The following ULK2 variants were observed in gnomAD, a reference collection of about 807,000 sequenced individuals.
ULK2 encodes serine/threonine-protein kinase ULK2.
A neutral mutation model predicts 127.5 loss-of-function variants in ULK2; 76 were observed. The ratio of observed to expected loss-of-function variants is 0.60; its 90% CI spans 0.50 to 0.72. The LOEUF (loss-of-function observed/expected upper bound fraction) is 0.72, where lower values mean the gene tolerates loss of function less well. ULK2 is among the 30% of genes least tolerant of loss of function. The pLI is 0.00. For synonymous variants in ULK2, 452 were observed against 461.9 expected, an observed-to-expected ratio of 0.98 and a Z score of 0.28; for missense variants, 1,144 against 1,295.9, an observed-to-expected ratio of 0.88 and a Z score of 1.80.
intron 20 of ULK2, among the ~76,000 whole-genome samples, chr17:19,788,940 G>T (rs1368745757): frequency 6.6e-6 from 1 of 152,220 alleles, no homozygotes; most frequent in African/African-American, 2.4e-5. Context: ...ATACCAGGTA[G>T]ATTTCTAAGG....
intron 7 of ULK2, among the ~76,000 whole-genome samples, chr17:19,844,049 T>C (rs1053412201): frequency 6.6e-6 from 1 of 152,190 alleles, no homozygotes; most frequent in Admixed American, 6.5e-5. Context: ...GTGTTTGCTA[T>C]ATTATTCCCT....
In ULK2 at chr17:19,776,163, A is replaced by G. The variant is rs1408080629; in HGVS notation, c.*186T>C. 3 of 532,162 alleles carry G rather than the reference A, an allele frequency of 5.6e-6. No homozygotes were observed. In the South Asian group the frequency reaches 1.0e-4, roughly 18 times the overall value. 33.0% of individuals were successfully genotyped at this position (532,162 alleles called of 1,614,324 possible). A position where few individuals can be genotyped will look rare whatever the true frequency, so the allele number is the denominator to read the frequency against. On this transcript the variant is annotated 3_prime_UTR_variant, in exon 27 of 27. Coordinates refer to ENST00000395544, the MANE Select transcript of ULK2 (RefSeq NM_014683.4). ...AAGGGAAAGGGTGATTTTCTCCAAT[A>G]AGGCAGATTTCCTACAAATATGTAG...
intron 7 of ULK2, 82 bp from the exon 8 acceptor site, chr17:19,843,304 A>C (rs2041807785): frequency 1.7e-5 from 15 of 860,908 alleles, no homozygotes; most frequent in Non-Finnish European, 1.1e-5. Context: ...GGTAAAGGTG[A>C]CACTTCTAAC....
intron 10 of ULK2, among the ~76,000 whole-genome samples, chr17:19,827,956 T>C (rs2041338052): frequency 6.7e-6 from 1 of 148,926 alleles, no homozygotes; most frequent in Non-Finnish European, 1.5e-5. Context: ...GATAAACTGA[T>C]GAGACCCACA....
chr17:19,810,389 C>A lies in ULK2; in HGVS notation c.1146G>T (p.Leu382Phe). Reference protein sequence around the residue: ...TAGRRASNEFLVCGGQCQPTV... With the variant: ...TAGRRASNEFFVCGGQCQPTV... ...GTAAATATACATACCCTCCACACAC[C>A]AAGAATTCATTTGAAGCACGTCTGC... Residue 382 changes from leucine to phenylalanine, a missense_variant, in exon 14 of 27, where the codon TTG (leucine) becomes TTT (phenylalanine). Leu to Phe is a conservative substitution (Grantham distance 22). Transcript: ENST00000395544. 1 of 1,605,820 alleles carries A rather than the reference C, an allele frequency of 6.2e-7. No individual in the cohort carries two copies. The highest frequency in any genetic ancestry group is 2.2e-5 in the East Asian group (1 of 44,670).
At chr17:19,799,606 AAGGAAG>A in intron 16 of ULK2, 31 bp from the exon 17 acceptor site, 1 of 1,485,902 alleles carries the variant, frequency 6.7e-7, no homozygotes, top group Non-Finnish European at 9.0e-7. Flanking sequence ...AAGATGGGGA[AAGGAAG>A]AAAAATGATC....
intron 16 of ULK2, among the ~76,000 whole-genome samples, chr17:19,799,999 G>A (rs2087362987): frequency 6.6e-6 from 1 of 152,182 alleles, no homozygotes; most frequent in African/African-American, 2.4e-5. Context: ...ACTGCATATG[G>A]TGGGACACTA....
chr17:19,796,368 G>A (rs918420539), intron 18 of ULK2, 86 bp from the exon 19 acceptor site: 1 of 1,234,504 alleles, frequency 8.1e-7, no homozygotes, highest in African/African-American at 1.5e-5. Context: ...GTGTGACCCA[G>A]TAGTCAGGAG....
intron 12 of ULK2, among the ~76,000 whole-genome samples, chr17:19,821,064 T>TG (rs2152391576): frequency 6.6e-6 from 1 of 152,280 alleles, no homozygotes; most frequent in Non-Finnish European, 1.5e-5. Context: ...CCTAGCACTT[T>TG]GGGAGGCTAA....
intron 21 of ULK2, among the ~76,000 whole-genome samples, chr17:19,784,513 CTTTTTTTT>C (rs563736244): frequency 2.4e-4 from 11 of 45,098 alleles, no homozygotes; most frequent in Non-Finnish European, 3.0e-4. Context: ...GGACATGATA[CTTTTTTTT>C]TTTTTTTTTT....
At chr17:19,843,349 T>A in intron 7 of ULK2, 127 bp from the exon 8 acceptor site, 1 of 543,486 alleles carries the variant, frequency 1.8e-6, no homozygotes, top group Non-Finnish European at 3.2e-6. Context: ...CTGTGATAGT[T>A]CTCTAATCAA....
At chr17:19,789,836 T>C (rs993133370) in intron 20 of ULK2, among the ~76,000 whole-genome samples, 1 of 145,456 alleles carries the variant, frequency 6.9e-6, no homozygotes, top group Non-Finnish European at 1.5e-5. Flanking sequence ...AAATAGGCTA[T>C]CTGAAAATAC....
At chr17:19,831,992 C>A (rs2041462830) in intron 10 of ULK2, among the ~76,000 whole-genome samples, 1 of 151,922 alleles carries the variant, frequency 6.6e-6, no homozygotes, top group African/African-American at 2.4e-5. Flanking sequence ...GGTGTGGTGA[C>A]TTGAGCCTGT....
rs2086794014 is a variant in ULK2, at chr17:19,775,256, A to G, written c.*1093T>C. 6.6e-6 allele frequency: 1 copy of G among 152,652 alleles called. No individual in the cohort carries two copies. Among genetic ancestry groups the G allele is most frequent in the Non-Finnish European group, 1.5e-5 (1 of 68,038 alleles). 9.5% of individuals were successfully genotyped at this position (152,652 alleles called of 1,614,324 possible). On this transcript the variant is annotated 3_prime_UTR_variant, in exon 27 of 27. Coordinates refer to ENST00000395544, the MANE Select transcript of ULK2 (RefSeq NM_014683.4). ...TATTTGGTGAACTGTCAGAATTAAC[A>G]TGAAAAATACACATTAGGCAGAAGA...
intron 10 of ULK2, among the ~76,000 whole-genome samples, chr17:19,835,507 G>A (rs1386145637): frequency 6.7e-6 from 1 of 148,292 alleles, no homozygotes; most frequent in Non-Finnish European, 1.5e-5. Context: ...ACGAGGTCAG[G>A]AGATCGAAAC....
chr17:19,782,104 T>C, intron 22 of ULK2, 37 bp from the exon 23 acceptor site: 1 of 1,600,042 alleles, frequency 6.2e-7, no homozygotes, highest in Non-Finnish European at 8.5e-7. Context: ...AAATTTCAGA[T>C]TAAAAATACG....
intron 20 of ULK2, among the ~76,000 whole-genome samples, chr17:19,789,120 G>A (rs569284331): frequency 6.6e-6 from 1 of 152,276 alleles, no homozygotes; most frequent in East Asian, 1.9e-4. Flanking sequence ...TGATTAAAGA[G>A]GGCCTTGGGC....
chr17:19,797,503 G>T lies in ULK2; in HGVS notation c.1702C>A (p.Pro568Thr), dbSNP rs754368706. 6 of 1,613,950 alleles carry T rather than the reference G, an allele frequency of 3.7e-6. No homozygotes were observed. The highest frequency in any genetic ancestry group is 5.1e-6 in the Non-Finnish European group (6 of 1,180,018). The change falls in exon 18 of 27, where the codon CCT (proline) becomes ACT (threonine). Residue 568 changes from proline (P) to threonine (T), a missense_variant. Pro to Thr is a conservative substitution (Grantham distance 38, BLOSUM62 -1). This residue lies in a region of ULK2 where 913 missense variants were observed against 970.5 expected (regional missense o/e 0.94). Transcript: ENST00000395544. ...GTGGGAGAAGTTCCAAGGCTGCCAG[G>T]CCGACTGGGCTGAGGCGAGTAGCTG... ...GYSYSPQPSRPGSLGTSPTKH... is the reference protein window; with the variant it reads ...GYSYSPQPSRTGSLGTSPTKH...
chr17:19,844,265 T>G (rs925305464), intron 7 of ULK2, among the ~76,000 whole-genome samples: 1 of 152,128 alleles, frequency 6.6e-6, no homozygotes, highest in African/African-American at 2.4e-5. Context: ...TACTTAAAGA[T>G]AGTTTTATTT....
Sources: allele counts gnomAD v4.1 joint callset (sites outside exome capture counted in the v4.1 genomes callset), GRCh38; gene constraint gnomAD v4.1.1; regional missense constraint gnomAD v4.1.1; transcripts MANE v1.5; gene names NCBI Gene and HGNC (gene_info 2026-07-23, HGNC 2026-07-21).